The following TDRP variants were observed in gnomAD, a reference collection of about 807,000 sequenced individuals.
TDRP encodes testis development related protein.
A neutral mutation model predicts 10.5 loss-of-function variants in TDRP; 12 were observed. The ratio of observed to expected loss-of-function variants is 1.15; its 90% CI spans 0.73 to 1.86. The LOEUF (loss-of-function observed/expected upper bound fraction) is 1.86. Ranked by LOEUF, TDRP falls within the 40% of genes most tolerant of loss-of-function variation. TDRP has a pLI of 0.00. For missense variants in TDRP, 353 were observed against 229.2 expected, an observed-to-expected ratio of 1.54 and a Z score of -3.49; for synonymous variants, 139 against 95.4, an observed-to-expected ratio of 1.46 and a Z score of -2.67.
At chr8:496,320 G>T (rs77608619) in intron 1 of TDRP, among the ~76,000 whole-genome samples, 2,066 of 152,304 alleles carry the variant, frequency 0.014, 35 homozygotes, top group African/African-American at 0.048. Context: ...ATCCTATCAA[G>T]AAGTCTCAAT....
chr8:517,159 C>A (rs1357869326), intron 1 of TDRP, among the ~76,000 whole-genome samples: 1 of 152,194 alleles, frequency 6.6e-6, no homozygotes, highest in African/African-American at 2.4e-5. Flanking sequence ...GACCTTAAGA[C>A]TGACAGAAGG....
intron 1 of TDRP, among the ~76,000 whole-genome samples, chr8:516,959 T>G (rs967279601): frequency 2.0e-5 from 3 of 152,174 alleles, no homozygotes; most frequent in Non-Finnish European, 4.4e-5. Flanking sequence ...TGAAAAGACA[T>G]GAAGGAATCT....
At chr8:501,561 G>C (rs890880982) in intron 1 of TDRP, among the ~76,000 whole-genome samples, 2 of 152,174 alleles carry the variant, frequency 1.3e-5, no homozygotes, top group East Asian at 3.9e-4. Context: ...TGGCCCGGCT[G>C]GTCTCGAACT....
intron 1 of TDRP, among the ~76,000 whole-genome samples, chr8:529,255 A>G (rs1802118728): frequency 6.6e-6 from 1 of 152,222 alleles, no homozygotes; most frequent in African/African-American, 2.4e-5. Flanking sequence ...ATTAACCATC[A>G]CATCCCCTAA....
At chr8:504,750 C>T (rs1801408775) in intron 1 of TDRP, among the ~76,000 whole-genome samples, 1 of 152,160 alleles carries the variant, frequency 6.6e-6, no homozygotes, top group African/African-American at 2.4e-5. Flanking sequence ...GATCTTGATG[C>T]CAGTTAAGTT....
chr8:523,363 G>A (rs1266217016), intron 1 of TDRP, among the ~76,000 whole-genome samples: 1 of 152,122 alleles, frequency 6.6e-6, no homozygotes, highest in East Asian at 1.9e-4. Context: ...CTGAATGGAA[G>A]CCTCCACCAA....
At position 500,929 on chromosome 8, in the gene TDRP, G is replaced by A. The variant is rs142367963; in HGVS notation, c.109-6332C>T. Among the ~76,000 whole-genome samples the A allele has an allele frequency of 3.8e-3, 575 of 152,344 alleles. 4 individuals carry two copies. Among genetic ancestry groups the A allele is most frequent in the African/African-American group, 0.013 (532 of 41,588 alleles). On this transcript the variant is annotated intron_variant, in intron 1 of 2. Transcript: ENST00000324079. ...GGGTTAACAAGAACATGAGCAGGCC[G>A]GGCGCGGTGTCTCACACCTGTAATC...
At chr8:501,661 G>A (rs760483541) in intron 1 of TDRP, among the ~76,000 whole-genome samples, 24 of 152,254 alleles carry the variant, frequency 1.6e-4, no homozygotes, top group Non-Finnish European at 2.5e-4. Context: ...CCTGCTATAC[G>A]TTTTAAAGGT....
At chr8:497,313 C>T (rs775959379) in intron 1 of TDRP, among the ~76,000 whole-genome samples, 8 of 152,164 alleles carry the variant, frequency 5.3e-5, no homozygotes, top group Admixed American at 2.0e-4. Context: ...AGGAACTTAT[C>T]GGAAACTGGA....
At position 541,432 on chromosome 8, in the gene TDRP, A is replaced by C. The variant is rs566829904; in HGVS notation, c.108+3218T>G. Among the ~76,000 whole-genome samples, 4 of 152,364 alleles carry C rather than the reference A, an allele frequency of 2.6e-5. No homozygotes were observed. The South Asian group carries it at 8.3e-4, about 32-fold the overall frequency. ...ATAGTGAAGCTTCATTAAAATTAAA[A>C]ACTTCTGCTCTGAAAAAGACACTGT... On this transcript the variant is annotated intron_variant, in intron 1 of 2. Transcript: ENST00000324079.
intron 1 of TDRP, among the ~76,000 whole-genome samples, chr8:521,600 T>A (rs1189424650): frequency 1.3e-5 from 2 of 152,228 alleles, no homozygotes; most frequent in African/African-American, 4.8e-5. Flanking sequence ...TATGTCCGTG[T>A]TTATGCCAAT....
intron 1 of TDRP, among the ~76,000 whole-genome samples, chr8:519,916 T>A (rs1426148505): frequency 1.3e-5 from 2 of 152,190 alleles, no homozygotes; most frequent in Non-Finnish European, 2.9e-5. Flanking sequence ...CCCCTGAAGC[T>A]TCTAAGGAAA....
At chr8:496,184 C>A (rs1437724587) in intron 1 of TDRP, among the ~76,000 whole-genome samples, 1 of 152,228 alleles carries the variant, frequency 6.6e-6, no homozygotes, top group Non-Finnish European at 1.5e-5. Flanking sequence ...TTCCACATCA[C>A]ACACTGCACA....
intron 1 of TDRP, among the ~76,000 whole-genome samples, chr8:513,174 C>A (rs1801663671): frequency 2.0e-5 from 3 of 150,596 alleles, no homozygotes; most frequent in Admixed American, 1.3e-4. Flanking sequence ...CACTATTATA[C>A]TGATACCAAA....
chr8:516,841 T>C (rs1210148075), intron 1 of TDRP, among the ~76,000 whole-genome samples: 1 of 152,186 alleles, frequency 6.6e-6, no homozygotes, highest in Non-Finnish European at 1.5e-5. Flanking sequence ...TCGGAAATGC[T>C]AGAACTTGGA....
intron 1 of TDRP, among the ~76,000 whole-genome samples, chr8:496,054 A>G (rs1801123805): frequency 6.6e-6 from 1 of 152,236 alleles, no homozygotes; most frequent in Non-Finnish European, 1.5e-5. Flanking sequence ...TACCCACGCC[A>G]AAGAAACCAT....
At chr8:499,686 GA>G (rs1801233021) in intron 1 of TDRP, among the ~76,000 whole-genome samples, 1 of 152,254 alleles carries the variant, frequency 6.6e-6, no homozygotes, top group Admixed American at 6.5e-5. Context: ...CGGGCAGAAA[GA>G]ATCCATCAAA....
At chr8:512,648 C>G (rs1801650107) in intron 1 of TDRP, among the ~76,000 whole-genome samples, 1 of 151,428 alleles carries the variant, frequency 6.6e-6, no homozygotes, top group African/African-American at 2.4e-5. Flanking sequence ...AAAACTGACT[C>G]AAGAAGAAAC....
chr8:509,604 G>A (rs1584862933), intron 1 of TDRP, among the ~76,000 whole-genome samples: 1 of 152,126 alleles, frequency 6.6e-6, no homozygotes, highest in Admixed American at 6.5e-5. Flanking sequence ...GGGAGCCCTG[G>A]ATCTGGCTCA....
Sources: allele counts gnomAD v4.1 joint callset (sites outside exome capture counted in the v4.1 genomes callset), GRCh38; gene constraint gnomAD v4.1.1; transcripts MANE v1.5; gene names NCBI Gene and HGNC (gene_info 2026-07-23, HGNC 2026-07-21).